The following HNRNPH1 variants were observed in gnomAD, a reference collection of about 807,000 sequenced individuals.
The protein encoded by HNRNPH1 is heterogeneous nuclear ribonucleoprotein H.
In HNRNPH1, 4 loss-of-function variants were observed where a neutral mutation model predicts 58.6. That is an observed-to-expected ratio of 0.07 (90% confidence interval 0.03 to 0.16). The LOEUF (loss-of-function observed/expected upper bound fraction) is 0.16. HNRNPH1 is among the 10% of genes least tolerant of loss of function. The probability of loss-of-function intolerance (pLI) is 1.00; values close to 1 mark genes in which losing one functional copy is unlikely to be tolerated. For synonymous variants in HNRNPH1, 192 were observed against 189.2 expected (o/e 1.01, Z -0.12); for missense variants, 271 against 564.2 (o/e 0.48, Z 5.26).
intron 4 of HNRNPH1, 175 bp from the exon 6 acceptor site, chr5:179,618,498 T>A: frequency 4.3e-6 from 2 of 469,546 alleles, no homozygotes; most frequent in Non-Finnish European, 7.4e-6. Context: ...ACTCAATAAA[T>A]AGTAAGACAA....
chr5:179,615,076 T>A (rs1446766963), intron 12 of HNRNPH1, 117 bp from the exon 14 acceptor site: 1 of 683,906 alleles, frequency 1.5e-6, no homozygotes, highest in Non-Finnish European at 2.6e-6. Flanking sequence ...GCTGTCCAAG[T>A]GGCGAGACGC....
chr5:179,620,572 A>G, intron 3 of HNRNPH1: 1 of 246,960 alleles, frequency 4.0e-6, no homozygotes, highest in Non-Finnish European at 8.0e-6. Context: ...CTGCTGGTAA[A>G]GGGATCTTAC....
chr5:179,625,977 TG>T (rs1774360747), upstream of HNRNPH1, among the ~76,000 whole-genome samples: 1 of 151,930 alleles, frequency 6.6e-6, no homozygotes, highest in African/African-American at 2.4e-5. Flanking sequence ...TTTGTAGCAA[TG>T]GGGTCTCATT....
At chr5:179,631,968 C>G (rs1446396426) in intron 2 of HNRNPH1, among the ~76,000 whole-genome samples, 1 of 152,194 alleles carries the variant, frequency 6.6e-6, no homozygotes, top group South Asian at 2.1e-4. Flanking sequence ...CGGCCGCCTC[C>G]GGGACCTGCT....
intron 3 of HNRNPH1, 28 bp downstream of exon 4, chr5:179,620,864 C>A: frequency 6.2e-7 from 1 of 1,609,646 alleles, no homozygotes; most frequent in Non-Finnish European, 8.5e-7. Context: ...CCAAAACTCA[C>A]TGCTCAGCAA....
chr5:179,621,225 G>A lies in HNRNPH1; in HGVS notation c.253+17C>T, dbSNP rs1423134221. 3 of 1,609,368 alleles carry A rather than the reference G, an allele frequency of 1.9e-6. No homozygotes were observed. The highest frequency in any genetic ancestry group is 1.3e-5 in the African/African-American group (1 of 74,744). ...TTAATGCTTTATTTACTGTAACTAG[G>A]GCAATGTAAATCAAACCTTCAACAT... is the stretch of plus-strand genomic sequence containing the variant. On this transcript the variant is annotated intron_variant, in intron 2 of 12. Transcript: ENST00000356731.
chr5:179,630,208 G>A (rs1347473017), intron 2 of HNRNPH1, among the ~76,000 whole-genome samples: 1 of 152,048 alleles, frequency 6.6e-6, no homozygotes, highest in Non-Finnish European at 1.5e-5. Context: ...AATTAGTCAG[G>A]CGTGCTGGCA....
At chr5:179,632,178 G>A (rs1260458263) in intron 2 of HNRNPH1, among the ~76,000 whole-genome samples, 1 of 151,968 alleles carries the variant, frequency 6.6e-6, no homozygotes, top group Non-Finnish European at 1.5e-5. Context: ...CGTGGTGGCG[G>A]GTGCCTGTAG....
exon 3 of HNRNPH1, chr5:179,620,947 C>G: frequency 6.2e-7 from 1 of 1,614,068 alleles, no homozygotes; most frequent in South Asian, 1.1e-5. Context: ...GTCCTCTAAG[C>G]CGTACAAAGC....
At chr5:179,628,240 A>G (rs1483716013), upstream of HNRNPH1, among the ~76,000 whole-genome samples, 3 of 152,204 alleles carry the variant, frequency 2.0e-5, no homozygotes, top group Non-Finnish European at 4.4e-5. Flanking sequence ...CCATCCAGAG[A>G]TTGAGCACAT....
At chr5:179,623,000 C>T in intron 1 of HNRNPH1, 37 bp downstream of exon 2, 1 of 1,026,422 alleles carries the variant, frequency 9.7e-7, no homozygotes, top group South Asian at 1.7e-5. Context: ...CCGCCCCGGC[C>T]TCGAACTCGA....
chr5:179,620,676 A>C, intron 3 of HNRNPH1: 1 of 544,410 alleles, frequency 1.8e-6, no homozygotes. Context: ...CTGAACTATA[A>C]TACTAAATAT....
chr5:179,617,698 A>G, intron 7 of HNRNPH1, 49 bp from the exon 9 acceptor site: 1 of 1,600,962 alleles, frequency 6.2e-7, no homozygotes, highest in East Asian at 2.2e-5. Context: ...CTAACGTTAC[A>G]AAAAAAACCT....
At chr5:179,626,542 C>A (rs914362124), upstream of HNRNPH1, among the ~76,000 whole-genome samples, 2 of 151,070 alleles carry the variant, frequency 1.3e-5, no homozygotes, top group Non-Finnish European at 3.0e-5. Context: ...ATGGTGAAAC[C>A]CCGTCTCTAC....
chr5:179,615,259 G>A lies in HNRNPH1; in HGVS notation c.*287C>T, dbSNP rs76105932. The A allele has an allele frequency of 6.6e-3, 2,806 of 427,374 alleles. 20 individuals are homozygous for A. Among genetic ancestry groups the A allele is most frequent in the Non-Finnish European group, 8.5e-3 (2,043 of 239,656 alleles). 26.5% of individuals were successfully genotyped at this position (427,374 alleles called of 1,614,324 possible). A position where few individuals can be genotyped will look rare whatever the true frequency, so the allele number is the denominator to read the frequency against. On this transcript the variant is annotated intron_variant, in intron 12 of 12. Transcript: ENST00000356731. ...TTTTCAAAAATTGCAAAATTACTTC[G>A]TATTTTTAAAGCTAAACAAGGCATT...
At chr5:179,624,480 T>C in exon 1 of HNRNPH1, 1 of 398,580 alleles carries the variant, frequency 2.5e-6, no homozygotes, top group Non-Finnish European at 4.4e-6. Flanking sequence ...CGAGGAGGGA[T>C]CGCGAGCGCG....
intron 2 of HNRNPH1, among the ~76,000 whole-genome samples, chr5:179,631,016 A>G (rs554761643): frequency 6.6e-6 from 1 of 152,306 alleles, no homozygotes; most frequent in South Asian, 2.1e-4. Flanking sequence ...GCACTGATTT[A>G]ATTACAAGAT....
chr5:179,617,504 T>C lies in HNRNPH1; in HGVS notation c.1057+10A>G, dbSNP rs1770377984. The C allele has an allele frequency of 6.2e-7, 1 of 1,611,682 alleles. No homozygotes were observed. The highest frequency in any genetic ancestry group is 1.3e-5 in the African/African-American group (1 of 74,844). The stretch of plus-strand genomic sequence containing the variant: ...CTGTTAAGAGCCCACAAATGCTCAA[T>C]CACACTTACGCATATTTGCTTTGTC... On this transcript the variant is annotated intron_variant, in intron 8 of 12. Transcript: ENST00000356731.
At chr5:179,626,776 C>CTT (rs60754691), upstream of HNRNPH1, among the ~76,000 whole-genome samples, 174 of 132,434 alleles carry the variant, frequency 1.3e-3, 1 homozygote, top group Middle Eastern at 3.8e-3. Flanking sequence ...TGGTATACTT[C>CTT]TTTTTTTTTT....
Sources: allele counts gnomAD v4.1 joint callset (sites outside exome capture counted in the v4.1 genomes callset), GRCh38; gene constraint gnomAD v4.1.1; transcripts MANE v1.5; gene names NCBI Gene and HGNC (gene_info 2026-07-23, HGNC 2026-07-21).